Variants in RABGAP1 observed in about 807,000 individuals in gnomAD.
RABGAP1 encodes RAB GTPase activating protein 1, also known as rab GTPase-activating protein 1.
A neutral mutation model predicts 137.6 loss-of-function variants in RABGAP1; 23 were observed. That is an observed-to-expected ratio of 0.17 (90% CI 0.12 to 0.24). The LOEUF is 0.24. Ranked by LOEUF, RABGAP1 falls within the 10% of genes least tolerant of loss-of-function variation. RABGAP1 has a pLI of 1.00. For missense variants in RABGAP1, 906 were observed against 1,275.8 expected (o/e 0.71, Z 4.42); for synonymous variants, 451 against 450.7 (o/e 1.00, Z -0.01).
intron 2 of RABGAP1, chr9:122,971,776 A>G (rs997198945): frequency 4.6e-5 from 7 of 152,240 alleles, no homozygotes; most frequent in Non-Finnish European, 8.8e-5. Flanking sequence ...AGAAGATAGC[A>G]TTGAAAGATA....
chr9:123,093,720 A>G (rs529327801), intron 21 of RABGAP1, among the ~76,000 whole-genome samples: 7 of 152,234 alleles, frequency 4.6e-5, no homozygotes, highest in Non-Finnish European at 1.0e-4. Flanking sequence ...TAGCTTTATA[A>G]TAAATCTTAA....
intron 13 of RABGAP1, among the ~76,000 whole-genome samples, chr9:123,064,298 A>G (rs932064843): frequency 6.6e-6 from 1 of 152,236 alleles, no homozygotes; most frequent in Non-Finnish European, 1.5e-5. Context: ...AACATATGCC[A>G]CTAAAGCTCT....
In RABGAP1 at chr9:123,065,431, T is replaced by C. The variant is rs2034137476; in HGVS notation, c.1878T>C (p.Asp626=). ...AHDYFKDTGG[D]GQDSLYKICK... ...ACTACTTTAAGGACACAGGAGGAGA[T>C]GGACAAGATTCCTTATATAAAATAT... is the stretch of plus-strand genomic sequence containing the variant. The change falls in exon 14 of 26, where the codon GAT becomes GAC. Residue 626 remains aspartate (D), a synonymous_variant. Coordinates refer to ENST00000373647, the MANE Select transcript of RABGAP1 (RefSeq NM_012197.4). The C allele has an allele frequency of 6.2e-7, 1 of 1,610,164 alleles. No individual in the cohort carries two copies. The highest frequency in any genetic ancestry group is 8.5e-7 in the Non-Finnish European group (1 of 1,176,780).
chr9:123,023,802 A>G (rs1469051804), intron 13 of RABGAP1, among the ~76,000 whole-genome samples: 2 of 152,196 alleles, frequency 1.3e-5, no homozygotes, highest in African/African-American at 2.4e-5. Context: ...TAATTTCTAT[A>G]AAGTATTTAT....
intron 2 of RABGAP1, among the ~76,000 whole-genome samples, chr9:122,961,059 A>ACT (rs779428680): frequency 3.9e-5 from 6 of 152,196 alleles, no homozygotes; most frequent in Non-Finnish European, 7.3e-5. Context: ...TGCTTGTAAT[A>ACT]GGAGTATCAA....
intron 21 of RABGAP1, among the ~76,000 whole-genome samples, chr9:123,096,582 CTT>C (rs1424291711): frequency 6.6e-6 from 1 of 152,076 alleles, no homozygotes; most frequent in Non-Finnish European, 1.5e-5. Context: ...TTTTCTCTCT[CTT>C]TTGAGACTGA....
chr9:123,076,187 T>C, intron 17 of RABGAP1, 58 bp from the exon 18 acceptor site: 2 of 1,541,566 alleles, frequency 1.3e-6, no homozygotes, highest in South Asian at 1.1e-5. Flanking sequence ...TAAGGACAAA[T>C]AGCATAATAG....
chr9:123,059,480 G>C (rs575194609), intron 13 of RABGAP1, among the ~76,000 whole-genome samples: 248 of 152,254 alleles, frequency 1.6e-3, no homozygotes, highest in African/African-American at 5.2e-3. Context: ...GCGTGAACCC[G>C]GGAGGCGGAG....
chr9:123,003,331 T>C (rs560039432), intron 10 of RABGAP1, among the ~76,000 whole-genome samples: 1 of 152,328 alleles, frequency 6.6e-6, no homozygotes, highest in African/African-American at 2.4e-5. Context: ...GGATGTTATA[T>C]GAACAAAACA....
chr9:123,030,871 CTT>C (rs556392367), intron 13 of RABGAP1, among the ~76,000 whole-genome samples: 95 of 151,970 alleles, frequency 6.3e-4, no homozygotes, highest in Non-Finnish European at 1.2e-3. Context: ...TAAATTGTGT[CTT>C]TTGAAGAAAA....
chr9:123,037,104 C>T (rs1311911891), intron 13 of RABGAP1, among the ~76,000 whole-genome samples: 2 of 152,018 alleles, frequency 1.3e-5, no homozygotes, highest in Non-Finnish European at 2.9e-5. Context: ...AATCTGAATG[C>T]GACAGTGGTG....
chr9:122,980,012 C>G (rs979659161), intron 2 of RABGAP1, among the ~76,000 whole-genome samples: 2 of 152,218 alleles, frequency 1.3e-5, no homozygotes, highest in Non-Finnish European at 2.9e-5. Flanking sequence ...TTCATCCATA[C>G]CAGGTTCAAC....
rs568122083 is a variant in RABGAP1, at chr9:122,997,428, C to T, written c.1204+67C>T. The stretch of plus-strand genomic sequence containing the variant: ...CAAGAAGAGATGCAAAACTAAGGAC[C>T]CCTTCTTTGACCAATATCCAGTGTT... On this transcript the variant is annotated intron_variant, in intron 9 of 25. Coordinates refer to ENST00000373647, the MANE Select transcript of RABGAP1 (RefSeq NM_012197.4). 4 of 1,159,956 alleles carry T rather than the reference C, an allele frequency of 3.4e-6. No homozygotes were observed. The African/African-American group carries it at 4.7e-5, about 14-fold the overall frequency. 71.9% of individuals were successfully genotyped at this position (1,159,956 alleles called of 1,614,324 possible).
chr9:122,953,722 A>T (rs2044763), intron 1 of RABGAP1, among the ~76,000 whole-genome samples: 148,856 of 152,338 alleles, frequency 0.98, 72,825 homozygotes, highest in East Asian at 1. Flanking sequence ...TAACTTAGGT[A>T]TTTCTTAACT....
intron 4 of RABGAP1, among the ~76,000 whole-genome samples, chr9:122,988,056 CAA>C (rs1836457721): frequency 6.6e-6 from 1 of 152,120 alleles, no homozygotes; most frequent in Non-Finnish European, 1.5e-5. Flanking sequence ...CAAAGACTCA[CAA>C]ATTCTATTTA....
chr9:122,945,861 T>G (rs1833921543), intron 1 of RABGAP1: 1 of 152,200 alleles, frequency 6.6e-6, no homozygotes, highest in Non-Finnish European at 1.5e-5. Flanking sequence ...CCTTTTTCCC[T>G]TATTTATGCA....
chr9:122,999,632 C>T lies in RABGAP1; in HGVS notation c.1374+866C>T, dbSNP rs139586020. Among the ~76,000 whole-genome samples the T allele has an allele frequency of 5.2e-3, 785 of 151,996 alleles. 5 individuals carry two copies. The highest frequency in any genetic ancestry group is 0.018 in the African/African-American group (745 of 41,442). ...TGTTTAACTGTGACATGATTAGGTA[C>T]GGTTTTCTTTCCGTTTATCCTGCTT... On this transcript the variant is annotated intron_variant, in intron 10 of 25. Transcript: ENST00000373647.
At chr9:122,990,434 C>T (rs775138856) in intron 6 of RABGAP1, 6 of 317,474 alleles carry the variant, frequency 1.9e-5, no homozygotes, top group African/African-American at 4.4e-5. Flanking sequence ...CATGTTGCTA[C>T]CTTCTTTTAG....
At position 122,989,279 on chromosome 9, in the gene RABGAP1, A is replaced by G; in HGVS notation, c.591-18A>G. ...TTCATAATTCCTGTAATCTCTCTGT[A>G]TCTTTTTCTCTGAACAGACTCTTAG... On this transcript the variant is annotated intron_variant, in intron 4 of 25. Transcript: ENST00000373647. The G allele has an allele frequency of 6.2e-7, 1 of 1,600,428 alleles. No homozygotes were observed. Among genetic ancestry groups the G allele is most frequent in the Non-Finnish European group, 8.6e-7 (1 of 1,168,598 alleles).
Sources: gnomAD v4.1 joint callset for allele counts (sites outside exome capture counted in the v4.1 genomes callset) on GRCh38, gnomAD v4.1.1 for gene constraint, MANE v1.5 for transcripts, NCBI Gene and HGNC (gene_info 2026-07-23, HGNC 2026-07-21) for gene names.